AGRN: variants seen among roughly 807,000 people sequenced by gnomAD.
AGRN encodes the protein agrin proteoglycan.
In AGRN, 106 loss-of-function variants were observed where a neutral mutation model predicts 211.0. The observed-to-expected ratio is 0.50, with a 90% CI of 0.43 to 0.59. AGRN has a LOEUF of 0.59. Among genes scored for constraint, AGRN ranks in the 20% least tolerant of loss-of-function variants. The pLI is 0.00. For synonymous variants in AGRN, 1,525 were observed against 1,332.5 expected (o/e 1.14, Z -3.15); for missense variants, 3,040 against 2,982.6 (o/e 1.02, Z -0.45).
Position 1,026,165 on chromosome 1 carries a change from C to G in AGRN, c.463+3703C>G, listed in dbSNP as rs149194650. 5.3e-4 allele frequency among the ~76,000 whole-genome samples: 81 copies of G among 152,316 alleles called. 1 individual carries two copies. Among genetic ancestry groups the G allele is most frequent in the African/African-American group, 1.9e-3 (77 of 41,566 alleles). On this transcript the variant is annotated intron_variant, in intron 2 of 35. Transcript: ENST00000379370. ...CTCACTCCCCACCCAGAGAACAGCC[C>G]TGGCTCCATTGTTCCTGCAGACTAG...
intron 28 of AGRN, 37 bp downstream of exon 28, chr1:1,050,366 C>T (rs756205737): frequency 2.0e-5 from 33 of 1,612,602 alleles, no homozygotes; most frequent in African/African-American, 2.7e-5. Flanking sequence ...GGCCGGCCCC[C>T]ACCTCCGTCT....
intron 2 of AGRN, among the ~76,000 whole-genome samples, chr1:1,022,849 C>T (rs889501797): frequency 2.6e-5 from 4 of 152,248 alleles, no homozygotes; most frequent in Admixed American, 6.5e-5. Context: ...GCCCGCGTGT[C>T]GAGCACTCCT....
Position 1,048,817 on chromosome 1 carries a change from G to A in AGRN, c.4106-50G>A. ...AGGGGGCGGTTTCAGGGATAAAAGTGGGGAATCCTCGGAGCTTTTCCAGCC... is the reference window on the plus strand; with the variant it reads ...AGGGGGCGGTTTCAGGGATAAAAGTAGGGAATCCTCGGAGCTTTTCCAGCC... On this transcript the variant is annotated intron_variant, in intron 23 of 35. Coordinates refer to ENST00000379370, the MANE Select transcript of AGRN (RefSeq NM_198576.4). The surrounding 1 kb of genome is among the most constrained non-coding windows in gnomAD (Gnocchi z 5.9). 1 of 1,473,170 alleles carries A rather than the reference G, an allele frequency of 6.8e-7. No homozygotes were observed. The highest frequency in any genetic ancestry group is 9.0e-7 in the Non-Finnish European group (1 of 1,105,394). 91.3% of individuals were successfully genotyped at this position (1,473,170 alleles called of 1,614,324 possible). A position where few individuals can be genotyped will look rare whatever the true frequency, so the allele number is the denominator to read the frequency against.
chr1:1,028,655 T>G (rs1644578260), intron 2 of AGRN, among the ~76,000 whole-genome samples: 2 of 78,150 alleles, frequency 2.6e-5, no homozygotes, highest in Non-Finnish European at 5.4e-5. Context: ...CAGCCCCTCG[T>G]GGGCCAAGGG....
intron 1 of AGRN, 77 bp downstream of exon 1, chr1:1,020,450 C>G: frequency 7.2e-7 from 1 of 1,394,090 alleles, no homozygotes; most frequent in African/African-American, 1.5e-5. Context: ...GCCGTGGGAA[C>G]CAGCCCCGGT....
In AGRN at chr1:1,045,627, C is replaced by G; in HGVS notation, c.2536+104C>G. On this transcript the variant is annotated intron_variant, in intron 14 of 35. Transcript: ENST00000379370. Reference sequence around the variant, plus strand: ...TGCCCAGGCCCTGGCCTGACCCACACCTGGCTGGGGGCTGGGCAGAGCCAG... The same window carrying G: ...TGCCCAGGCCCTGGCCTGACCCACAGCTGGCTGGGGGCTGGGCAGAGCCAG... The G allele has an allele frequency of 4.4e-6, 7 of 1,606,686 alleles. No individual in the cohort carries two copies. The South Asian group carries it at 6.6e-5, about 15-fold the overall frequency.
At position 1,050,038 on chromosome 1, in the gene AGRN, G is replaced by T; in HGVS notation, c.4879+1G>T. ...CGTGAGGGCACCTTCTGCCAGACAG[G>T]TCGGGGGCGTGGGGCTCTCGGGGCA... On this transcript the variant is annotated splice_donor_variant, in intron 27 of 35. Coordinates refer to ENST00000379370, the MANE Select transcript of AGRN (RefSeq NM_198576.4). LOFTEE classifies it high-confidence loss of function. 6.4e-7 allele frequency: 1 copy of T among 1,572,370 alleles called. No homozygotes were observed.
At chr1:1,042,739 G>A (rs1417103924) in intron 7 of AGRN, among the ~76,000 whole-genome samples, 2 of 152,168 alleles carry the variant, frequency 1.3e-5, no homozygotes, top group East Asian at 1.9e-4. Flanking sequence ...CCAGGAGCCC[G>A]CAGCCCGAGG....
chr1:1,046,872 G>T lies in AGRN; in HGVS notation c.3303G>T (p.Glu1101Asp). 6.3e-7 allele frequency: 1 copy of T among 1,587,504 alleles called. No homozygotes were observed. The highest frequency in any genetic ancestry group is 1.8e-5 in the Admixed American group (1 of 54,738). Residue 1101 changes from glutamate to aspartate, a missense_variant, in exon 19 of 36, where the codon GAG becomes GAT. Around this residue, in one of 3 missense-constraint regions of AGRN, gnomAD observed 1,537 missense variants for 1,505.0 expected, o/e 1.02. Coordinates refer to ENST00000379370, the MANE Select transcript of AGRN (RefSeq NM_198576.4). ...TGGCCACCCCTGGGCCACCTGTCGA[G>T]AGGGCTTCCTGCTACAACTCCGCGT... Reference protein sequence around the residue: ...SSVATPGPPVERASCYNSALG... With the variant: ...SSVATPGPPVDRASCYNSALG...
In AGRN at chr1:1,031,772, C is replaced by A. The variant is rs1644681829; in HGVS notation, c.464-3505C>A. ...ACCCCTCCCACATTGTGGTACCTGT[C>A]CTCCTCCTGCAGAGCCCGCCCAGAG... On this transcript the variant is annotated intron_variant, in intron 2 of 35. Coordinates refer to ENST00000379370, the MANE Select transcript of AGRN (RefSeq NM_198576.4). This position sits in a 1 kb window ranked among gnomAD's most constrained non-coding sequence, Gnocchi z 4.8. 6.6e-6 allele frequency among the ~76,000 whole-genome samples: 1 copy of A among 152,198 alleles called. No individual in the cohort carries two copies. The highest frequency in any genetic ancestry group is 2.4e-5 in the African/African-American group (1 of 41,436).
rs1644688135 is a variant in AGRN at position 1,032,093 on chromosome 1, G to GGTT, written c.464-3182_464-3180dup. ...GTGCCAAGGTCCAGCAGGGTGGGGT[G>GGTT]GTTGGGGTAGGAGCTCCCCTGAGGA... On this transcript the variant is annotated intron_variant, in intron 2 of 35. Transcript: ENST00000379370. The surrounding 1 kb of genome is among the most constrained non-coding windows in gnomAD (Gnocchi z 4.7). Among the ~76,000 whole-genome samples, 1 of 152,204 alleles carries GGTT rather than the reference G, an allele frequency of 6.6e-6. No individual in the cohort carries two copies. The highest frequency in any genetic ancestry group is 2.4e-5 in the African/African-American group (1 of 41,456).
Position 1,045,248 on chromosome 1 carries a change from C to G in AGRN, c.2342C>G (p.Ala781Gly), listed in dbSNP as rs868527594. 6.2e-7 allele frequency: 1 copy of G among 1,611,680 alleles called. No homozygotes were observed. Among genetic ancestry groups the G allele is most frequent in the African/African-American group, 1.3e-5 (1 of 74,926 alleles). The change falls in exon 13 of 36, where the codon GCC becomes GGC. Residue 781 changes from alanine (A) to glycine (G), a missense_variant. Transcript: ENST00000379370. ...TGCTGCCAGGACAATATCACCGCAG[C>G]CCGGGGCGTGGGCCTGGCTGGCTGC... is the stretch of plus-strand genomic sequence containing the variant. ...YGCCQDNITA[A>G]RGVGLAGCPS...
chr1:1,043,849 T>C lies in AGRN; in HGVS notation c.1825T>C (p.Phe609Leu). ...GACCTGTGGAGATGCCGTGTGTGCT[T>C]TTGGGGCTGTGTGCTCCGCAGGGCA... ...CETCGDAVCA[F>L]GAVCSAGQCV... is the part of the protein sequence containing the mutation. The change falls in exon 10 of 36, where the codon TTT becomes CTT. Residue 609 changes from phenylalanine to leucine, a missense_variant. Physicochemically the swap from Phe to Leu is conservative, Grantham distance 22. Coordinates refer to ENST00000379370, the MANE Select transcript of AGRN (RefSeq NM_198576.4). 6.2e-7 allele frequency: 1 copy of C among 1,611,364 alleles called. No individual in the cohort carries two copies. Among genetic ancestry groups the C allele is most frequent in the African/African-American group, 1.3e-5 (1 of 74,890 alleles).
At chr1:1,027,796 C>CG (rs1644551507) in intron 2 of AGRN, among the ~76,000 whole-genome samples, 1 of 152,112 alleles carries the variant, frequency 6.6e-6, no homozygotes, top group East Asian at 1.9e-4. Flanking sequence ...AGGGTGGGAG[C>CG]GGGGGTCTGT....
At chr1:1,050,691 G>T in intron 29 of AGRN, 35 bp from the exon 30 acceptor site, 1 of 1,601,636 alleles carries the variant, frequency 6.2e-7, no homozygotes, top group Middle Eastern at 2.0e-4. Flanking sequence ...GGCCGGTGGT[G>T]GACAGAGCCC....
At position 1,048,708 on chromosome 1, in the gene AGRN, G is replaced by A. The variant is rs1445857967; in HGVS notation, c.4106-159G>A. 2.2e-5 allele frequency: 19 copies of A among 877,456 alleles called. No individual in the cohort carries two copies. The highest frequency in any genetic ancestry group is 1.1e-4 in the East Asian group (4 of 36,692). 54.4% of individuals were successfully genotyped at this position (877,456 alleles called of 1,614,324 possible). A position where few individuals can be genotyped will look rare whatever the true frequency, so the allele number is the denominator to read the frequency against. On this transcript the variant is annotated intron_variant, in intron 23 of 35. Transcript: ENST00000379370. The surrounding 1 kb of genome is among the most constrained non-coding windows in gnomAD (Gnocchi z 5.9). The stretch of plus-strand genomic sequence containing the variant: ...CTTGAACCTGGCAGGCGGAGGTTGC[G>A]GTGAGCCAGGATCGCGCCACTGCAC...
At chr1:1,045,637 G>T (rs974711175) in intron 14 of AGRN, 96 bp from the exon 15 acceptor site, 8 of 1,608,016 alleles carry the variant, frequency 5.0e-6, no homozygotes, top group Non-Finnish European at 6.8e-6. Context: ...CCTGGCTGGG[G>T]GCTGGGCAGA....
rs146441147 is a variant in AGRN, at chr1:1,044,179, C to A, written c.2070C>A (p.Arg690=). Residue 690 remains arginine (R), a synonymous_variant, in exon 11 of 36, where the codon CGC becomes CGA. Transcript: ENST00000379370. ...GDCEQELCRQ[R]GGIWDEDSED... ...GTGAGCAGGAGCTGTGCCGGCAGCG[C>A]GGTGGCATCTGGGACGAGGACTCGG... 2 of 1,613,116 alleles carry A rather than the reference C, an allele frequency of 1.2e-6. No homozygotes were observed. Among genetic ancestry groups the A allele is most frequent in the Non-Finnish European group, 1.7e-6 (2 of 1,179,932 alleles).
chr1:1,034,850 T>A, intron 2 of AGRN: 1 of 425,952 alleles, frequency 2.3e-6, no homozygotes. Context: ...CCTCGGTCCC[T>A]GGAGGCCGTC....
Sources: allele counts gnomAD v4.1 joint callset (sites outside exome capture counted in the v4.1 genomes callset), GRCh38; gene constraint gnomAD v4.1.1; regional missense constraint gnomAD v4.1.1; non-coding constraint Gnocchi (gnomAD v3.1); transcripts MANE v1.5; gene names NCBI Gene and HGNC (gene_info 2026-07-23, HGNC 2026-07-21).